The following SRFBP1 variants were observed in gnomAD, a reference collection of about 807,000 sequenced individuals.
The protein encoded by SRFBP1 is serum response factor binding protein 1, also known as serum response factor-binding protein 1.
SRFBP1 carries 47 observed loss-of-function variants against 45.5 expected under a neutral mutation model. The observed-to-expected ratio is 1.03, with a 90% CI of 0.82 to 1.32. The LOEUF is 1.32. Ranked by LOEUF, SRFBP1 falls within the 40% of genes most tolerant of loss-of-function variation. The probability of loss-of-function intolerance (pLI) is 0.00; values close to 1 mark genes in which losing one functional copy is unlikely to be tolerated. For synonymous variants in SRFBP1, 203 were observed against 166.3 expected (o/e 1.22, Z -1.70); for missense variants, 621 against 484.6 (o/e 1.28, Z -2.64).
intron 2 of SRFBP1, among the ~76,000 whole-genome samples, chr5:122,060,005 A>T (rs557898767): frequency 6.6e-6 from 1 of 152,088 alleles, no homozygotes; most frequent in Non-Finnish European, 1.5e-5. Flanking sequence ...GACATGTTGA[A>T]TAAGAAGGAA....
rs111890552 is a variant in SRFBP1 at position 122,074,076 on chromosome 5, A to G, written n.312-1239A>G. On this transcript the variant is annotated intron_variant and non_coding_transcript_variant, in intron 2 of 2. Transcript: ENST00000504881. ...CATAGTCACAGGATGTGTCTTCAAGACAGAAACTTGCTTTGTGGCCTTCAG... is the reference window on the plus strand; with the variant it reads ...CATAGTCACAGGATGTGTCTTCAAGGCAGAAACTTGCTTTGTGGCCTTCAG... 6.2e-6 allele frequency: 10 copies of G among 1,614,122 alleles called. No individual in the cohort carries two copies. The highest frequency in any genetic ancestry group is 4.0e-5 in the African/African-American group (3 of 75,036).
At chr5:121,973,842 G>A (rs916758160) in intron 1 of SRFBP1, among the ~76,000 whole-genome samples, 2 of 151,720 alleles carry the variant, frequency 1.3e-5, no homozygotes, top group Admixed American at 6.6e-5. Flanking sequence ...TTGTTTTAAC[G>A]GTGGGAATAC....
At chr5:122,039,448 C>G (rs572441840) in intron 2 of SRFBP1, among the ~76,000 whole-genome samples, 3 of 152,260 alleles carry the variant, frequency 2.0e-5, no homozygotes, top group African/African-American at 7.2e-5. Context: ...CTCACTGAAT[C>G]TATTACTTCT....
intron 4 of SRFBP1, among the ~76,000 whole-genome samples, chr5:121,996,009 T>C (rs1003948493): frequency 6.6e-6 from 1 of 151,970 alleles, no homozygotes; most frequent in South Asian, 2.1e-4. Flanking sequence ...GCTGAAATTG[T>C]GGCAATAATC....
At chr5:121,991,230 G>T (rs960675274) in intron 3 of SRFBP1, among the ~76,000 whole-genome samples, 10 of 151,980 alleles carry the variant, frequency 6.6e-5, no homozygotes, top group African/African-American at 2.2e-4. Context: ...TAATCAATTT[G>T]ATATGTAATT....
downstream of SRFBP1, among the ~76,000 whole-genome samples, chr5:122,031,159 C>T (rs529985938): frequency 6.6e-6 from 1 of 152,262 alleles, no homozygotes; most frequent in East Asian, 1.9e-4. Context: ...ATTATTAGCA[C>T]ACTACTAAGC....
At chr5:122,012,875 A>G (rs1242002667) in intron 4 of SRFBP1, among the ~76,000 whole-genome samples, 1 of 152,194 alleles carries the variant, frequency 6.6e-6, no homozygotes. Context: ...TAATATCCTC[A>G]TTATCAGTTG....
At position 121,975,463 on chromosome 5, in the gene SRFBP1, A is replaced by G. The variant is rs967827133; in HGVS notation, c.198+76A>G. The G allele has an allele frequency of 2.6e-6, 4 of 1,515,832 alleles. No homozygotes were observed. The South Asian group carries it at 3.4e-5, about 13-fold the overall frequency. The allele number at this position is 1,515,832 out of a possible 1,614,324, so 93.9% of individuals were successfully genotyped here. A position where few individuals can be genotyped will look rare whatever the true frequency, so the allele number is the denominator to read the frequency against. ...ATCCTGCATTTTGTTTGTGTGTGGT[A>G]TTGCTTATTTGAATATTCCCGAGAG... On this transcript the variant is annotated intron_variant, in intron 3 of 7. Transcript: ENST00000339397.
intron 1 of SRFBP1, among the ~76,000 whole-genome samples, chr5:121,963,878 GA>G (rs1752005091): frequency 6.6e-6 from 1 of 151,484 alleles, no homozygotes; most frequent in African/African-American, 2.4e-5. Flanking sequence ...CCCACAAAAG[GA>G]AAGAGAGATT....
intron 4 of SRFBP1, among the ~76,000 whole-genome samples, chr5:122,007,719 A>T (rs1485670498): frequency 3.3e-5 from 5 of 149,648 alleles, no homozygotes; most frequent in Admixed American, 3.3e-4. Flanking sequence ...CTGCTGGAGA[A>T]TGGAGCATCA....
chr5:122,034,209 C>A (rs576820392), intron 2 of SRFBP1, among the ~76,000 whole-genome samples: 1 of 152,244 alleles, frequency 6.6e-6, no homozygotes, highest in South Asian at 2.1e-4. Context: ...AAATGAAGAT[C>A]TTTTCCATTT....
chr5:121,971,354 T>A (rs1752190973), intron 1 of SRFBP1, among the ~76,000 whole-genome samples: 1 of 151,894 alleles, frequency 6.6e-6, no homozygotes, highest in Non-Finnish European at 1.5e-5. Context: ...ACTTGGAGAT[T>A]CATTGTGAAG....
At position 121,966,598 on chromosome 5, in the gene SRFBP1, C is replaced by T. The variant is rs2399730; in HGVS notation, c.36+4530C>T. On this transcript the variant is annotated intron_variant, in intron 1 of 7. Transcript: ENST00000339397. The stretch of plus-strand genomic sequence containing the variant: ...AACAACAGTGCCATAGCATTTAGTG[C>T]GTAAATAATTTGCAAAACTAGAGCT... Among the ~76,000 whole-genome samples the T allele has an allele frequency of 5.1e-3, 783 of 152,164 alleles. 19 individuals are homozygous for T. In the East Asian group the frequency reaches 0.053, roughly 10 times the overall value.
At chr5:122,045,295 T>G (rs1363323913) in intron 2 of SRFBP1, among the ~76,000 whole-genome samples, 2 of 152,202 alleles carry the variant, frequency 1.3e-5, no homozygotes, top group African/African-American at 4.8e-5. Context: ...GTGTGATGCC[T>G]CCGTCTTTGT....
chr5:122,029,929 A>G (rs1156265613), downstream of SRFBP1, among the ~76,000 whole-genome samples: 1 of 152,138 alleles, frequency 6.6e-6, no homozygotes, highest in African/African-American at 2.4e-5. Context: ...TTAACATGTA[A>G]GTTCTTTAAT....
intron 2 of SRFBP1, among the ~76,000 whole-genome samples, chr5:122,044,515 AT>A (rs368837677): frequency 0.05 from 7,252 of 146,042 alleles, 189 homozygotes; most frequent in African/African-American, 0.056. Context: ...AGCATCTATT[AT>A]TTTTTTTTTT....
intron 4 of SRFBP1, among the ~76,000 whole-genome samples, chr5:121,998,569 G>T (rs1363838390): frequency 2.6e-4 from 38 of 147,964 alleles, no homozygotes; most frequent in African/African-American, 9.5e-4. Context: ...AATGCTAGAT[G>T]ACGAGTTAGT....
At chr5:121,993,749 G>C (rs1027154691) in intron 3 of SRFBP1, among the ~76,000 whole-genome samples, 10 of 151,992 alleles carry the variant, frequency 6.6e-5, no homozygotes, top group Admixed American at 1.3e-4. Context: ...TTGATATGTA[G>C]CATTTTCTTA....
At chr5:121,988,415 C>T (rs1752558901) in intron 3 of SRFBP1, among the ~76,000 whole-genome samples, 1 of 152,132 alleles carries the variant, frequency 6.6e-6, no homozygotes. Context: ...GTTTATTACT[C>T]TTCAAGGATA....
Sources: allele counts gnomAD v4.1 joint callset (sites outside exome capture counted in the v4.1 genomes callset), GRCh38; gene constraint gnomAD v4.1.1; transcripts MANE v1.5; gene names NCBI Gene and HGNC (gene_info 2026-07-23, HGNC 2026-07-21).